The following EOGT variants were observed in gnomAD, a reference collection of about 807,000 sequenced individuals.
The protein encoded by EOGT is EGF domain-specific O-linked N-acetylglucosamine transferase.
Under a neutral mutation model 70.5 loss-of-function variants are expected in EOGT, and 55 were observed. That is an observed-to-expected ratio of 0.78 (90% CI 0.63 to 0.98). The LOEUF (loss-of-function observed/expected upper bound fraction) is 0.98, where lower values mean the gene tolerates loss of function less well. Among genes scored for constraint, EOGT ranks in the 50% least tolerant of loss-of-function variants. The probability of loss-of-function intolerance (pLI) is 0.00; values close to 1 mark genes in which losing one functional copy is unlikely to be tolerated. For synonymous variants in EOGT, 246 were observed against 217.1 expected (o/e 1.13, Z -1.17); for missense variants, 703 against 641.9 (o/e 1.10, Z -1.03).
intron 6 of EOGT, among the ~76,000 whole-genome samples, chr3:69,007,507 C>CGGGGGGCGGGG (rs1553673404): frequency 4.0e-5 from 1 of 24,782 alleles, no homozygotes; most frequent in Non-Finnish European, 9.6e-5. Flanking sequence ...TAAAAATTAG[C>CGGGGGGCGGGG]GGGGGGGGGT....
At chr3:69,012,162 T>A (rs1447648098) in intron 2 of EOGT, among the ~76,000 whole-genome samples, 171 bp from the exon 3 acceptor site, 1 of 152,184 alleles carries the variant, frequency 6.6e-6, no homozygotes, top group South Asian at 2.1e-4. Flanking sequence ...AATACCACAC[T>A]GCTATACTCG....
At position 68,977,767 on chromosome 3, in the gene EOGT, G is replaced by A. The variant is rs1179210418; in HGVS notation, c.1438-3C>T. The A allele has an allele frequency of 3.1e-6, 5 of 1,606,716 alleles. No homozygotes were observed. The highest frequency in any genetic ancestry group is 1.3e-5 in the African/African-American group (1 of 74,464). On this transcript the variant is annotated splice_region_variant and splice_polypyrimidine_tract_variant and intron_variant, in intron 17 of 17. Transcript: ENST00000383701. ...TCCCCCAGGGTTGGATGGTGGCCCT[G>A]TGAAAATAAACCAAAACACGAATCC...
At chr3:68,990,351 T>C (rs1422009408) in intron 10 of EOGT, among the ~76,000 whole-genome samples, 2 of 55,672 alleles carry the variant, frequency 3.6e-5, no homozygotes, top group African/African-American at 8.4e-5. Context: ...CCACATGCTT[T>C]TTTTTTTTTT....
intron 14 of EOGT, 47 bp from the exon 15 acceptor site, chr3:68,982,919 T>G (rs1262817329): frequency 1.3e-6 from 2 of 1,501,252 alleles, no homozygotes; most frequent in African/African-American, 2.8e-5. Context: ...CTTCTTTCAC[T>G]TCTGTTTTTC....
At position 68,994,433 on chromosome 3, in the gene EOGT, T is replaced by A. The variant is rs1218083535; in HGVS notation, c.831+3578A>T. On this transcript the variant is annotated intron_variant, in intron 10 of 17. Coordinates refer to ENST00000383701, the MANE Select transcript of EOGT (RefSeq NM_001278689.2). ...TTGGAGAGGAAGAAGGAGACTTTTT[T>A]AAAAACTTCACATACTTCTGTGTTG... 3.9e-5 allele frequency among the ~76,000 whole-genome samples: 6 copies of A among 152,296 alleles called. No homozygotes were observed. The East Asian group carries it at 5.8e-4, about 15-fold the overall frequency.
At chr3:69,008,591 T>G in intron 4 of EOGT, 63 bp from the exon 5 acceptor site, 1 of 1,190,140 alleles carries the variant, frequency 8.4e-7, no homozygotes, top group South Asian at 1.3e-5. Context: ...TCTTAGATTT[T>G]TCCATTAAGA....
rs778729360 is a variant in EOGT at position 69,009,715 on chromosome 3, C to T, written c.132G>A (p.Glu44=). 5 of 1,613,994 alleles carry T rather than the reference C, an allele frequency of 3.1e-6. No homozygotes were observed. The highest frequency in any genetic ancestry group is 4.2e-6 in the Non-Finnish European group (5 of 1,180,018). The change falls in exon 4 of 18, where the codon GAG becomes GAA. Residue 44 remains glutamate (E), a synonymous_variant. Transcript: ENST00000383701. The stretch of plus-strand genomic sequence containing the variant: ...TGTGCAAAAAGAAGGGAATGTGCTC[C>T]TCTGGCAAGCGGATGCTGGCATAGT... ...LYNYASIRLP[E]EHIPFFLHNN... is the part of the protein sequence containing the mutation.
At chr3:68,978,046 G>A (rs946416604) in intron 17 of EOGT, among the ~76,000 whole-genome samples, 3 of 152,168 alleles carry the variant, frequency 2.0e-5, no homozygotes, top group African/African-American at 7.2e-5. Flanking sequence ...CATGTCATGG[G>A]CTGGATTTGC....
intron 3 of EOGT, among the ~76,000 whole-genome samples, chr3:69,011,485 T>C (rs1440804662): frequency 6.7e-6 from 1 of 150,348 alleles, no homozygotes; most frequent in Non-Finnish European, 1.5e-5. Context: ...AAATCAGCTG[T>C]AGTCCCAGCT....
intron 10 of EOGT, among the ~76,000 whole-genome samples, chr3:68,994,667 T>A (rs1409278569): frequency 6.6e-6 from 1 of 152,050 alleles, no homozygotes; most frequent in African/African-American, 2.4e-5. Flanking sequence ...TAGCACACAC[T>A]GTCATCCCAG....
chr3:69,006,057 T>C (rs547102376), intron 6 of EOGT, among the ~76,000 whole-genome samples: 6 of 152,324 alleles, frequency 3.9e-5, no homozygotes, highest in African/African-American at 1.4e-4. Context: ...CTACCCAGTC[T>C]ATGGTATTTT....
At position 68,977,658 on chromosome 3, in the gene EOGT, T is replaced by C. The variant is rs1436785724; in HGVS notation, c.1544A>G (p.His515Arg). Residue 515 changes from histidine (H) to arginine (R), a missense_variant, in exon 18 of 18, where the codon CAC (histidine) becomes CGC (arginine). By Grantham distance (29) the His-to-Arg change is conservative. Transcript: ENST00000383701. Reference sequence around the variant, plus strand: ...TTTCTTCTTAAATGGCCACTTTGGGTGTTGCAATACGTGGTCTGCAGCCTG... The same window carrying C: ...TTTCTTCTTAAATGGCCACTTTGGGCGTTGCAATACGTGGTCTGCAGCCTG... The part of the protein sequence containing the change: ...VLQAADHVLQ[H>R]PKWPFKKKHD... 6.2e-7 allele frequency: 1 copy of C among 1,613,938 alleles called. No individual in the cohort carries two copies. The highest frequency in any genetic ancestry group is 8.5e-7 in the Non-Finnish European group (1 of 1,179,944).
intron 14 of EOGT, 72 bp downstream of exon 14, chr3:68,987,373 G>GAAAAA: frequency 1.0e-6 from 1 of 989,460 alleles, no homozygotes; most frequent in Non-Finnish European, 1.5e-6. Flanking sequence ...AACGTAATGT[G>GAAAAA]AAAAAAAAAA....
At position 69,012,001 on chromosome 3, in the gene EOGT, A is replaced by G. The variant is rs2091589357; in HGVS notation, c.-70-10T>C. 1 of 152,226 alleles carries G rather than the reference A, an allele frequency of 6.6e-6. No individual in the cohort carries two copies. The allele number at this position is 152,226 out of a possible 1,614,324, so 9.4% of individuals were successfully genotyped here. The stretch of plus-strand genomic sequence containing the variant: ...TTCAGGTCTCTAAAACCTGTCAGAA[A>G]TGAAACATATTACCTTAAAAGGATG... On this transcript the variant is annotated splice_polypyrimidine_tract_variant and intron_variant, in intron 2 of 17. Coordinates refer to ENST00000383701, the MANE Select transcript of EOGT (RefSeq NM_001278689.2).
chr3:68,978,286 A>C (rs1433793267), intron 17 of EOGT, 47 bp downstream of exon 17: 18 of 1,381,354 alleles, frequency 1.3e-5, no homozygotes, highest in Non-Finnish European at 1.8e-5. Flanking sequence ...TGGATACTTT[A>C]AACCAATTAA....
intron 3 of EOGT, 61 bp from the exon 4 acceptor site, chr3:69,009,921 CA>C: frequency 3.7e-5 from 21 of 568,672 alleles, no homozygotes; most frequent in Non-Finnish European, 5.6e-5. Flanking sequence ...AAAACAACAA[CA>C]ACAACAACAA....
chr3:68,988,186 A>T, intron 13 of EOGT, 109 bp downstream of exon 13: 1 of 799,058 alleles, frequency 1.3e-6, no homozygotes, highest in Non-Finnish European at 2.0e-6. Flanking sequence ...AGAAAATGTT[A>T]ACACAAAAAC....
chr3:68,988,191 A>G, intron 13 of EOGT, 104 bp downstream of exon 13: 1 of 843,208 alleles, frequency 1.2e-6, no homozygotes, highest in Non-Finnish European at 1.8e-6. Flanking sequence ...ATGTTAACAC[A>G]AAAACATGGT....
intron 12 of EOGT, 53 bp downstream of exon 12, chr3:68,988,453 G>T: frequency 6.7e-7 from 1 of 1,485,810 alleles, no homozygotes; most frequent in Admixed American, 2.0e-5. Flanking sequence ...GTCAACTTAT[G>T]TATAAATGTT....
Sources: allele counts gnomAD v4.1 joint callset (sites outside exome capture counted in the v4.1 genomes callset), GRCh38; gene constraint gnomAD v4.1.1; transcripts MANE v1.5; gene names NCBI Gene and HGNC (gene_info 2026-07-23, HGNC 2026-07-21).